Variants in DOCK4 observed in about 807,000 individuals in gnomAD.
DOCK4 encodes dedicator of cytokinesis 4.
DOCK4 carries 97 observed loss-of-function variants against 268.1 expected under a neutral mutation model. The ratio of observed to expected loss-of-function variants is 0.36; its 90% CI spans 0.31 to 0.43. The LOEUF (loss-of-function observed/expected upper bound fraction) is 0.43, where lower values mean the gene tolerates loss of function less well. Ranked by LOEUF, DOCK4 falls within the 20% of genes least tolerant of loss-of-function variation. The pLI is 1.00. For synonymous variants in DOCK4, 954 were observed against 887.2 expected, an observed-to-expected ratio of 1.08 and a Z score of -1.34; for missense variants, 2,145 against 2,455.7, an observed-to-expected ratio of 0.87 and a Z score of 2.67.
intron 36 of DOCK4, among the ~76,000 whole-genome samples, chr7:111,771,127 T>C (rs937868774): frequency 1.3e-5 from 2 of 152,234 alleles, no homozygotes; most frequent in African/African-American, 4.8e-5. Context: ...TGACTCTCAG[T>C]AGCTCAAACA....
At chr7:111,796,368 T>C (rs560991345) in intron 30 of DOCK4, among the ~76,000 whole-genome samples, 3 of 152,372 alleles carry the variant, frequency 2.0e-5, no homozygotes, top group African/African-American at 7.2e-5. Flanking sequence ...TAATTGTTTC[T>C]CACTAATACA....
chr7:112,084,211 A>C (rs1808855933), intron 1 of DOCK4, among the ~76,000 whole-genome samples: 1 of 152,202 alleles, frequency 6.6e-6, no homozygotes. Context: ...ATGAATGAAA[A>C]TTAGTTTAAG....
chr7:112,146,952 G>A (rs1815568504), intron 1 of DOCK4, among the ~76,000 whole-genome samples: 1 of 151,998 alleles, frequency 6.6e-6, no homozygotes, highest in African/African-American at 2.4e-5. Flanking sequence ...TTTAAGAGAA[G>A]ACACTTTCTT....
rs1318753698 is a variant in DOCK4 at position 111,872,329 on chromosome 7, G to C, written c.1866C>G (p.Thr622=). 6.4e-7 allele frequency: 1 copy of C among 1,559,482 alleles called. No homozygotes were observed. The highest frequency in any genetic ancestry group is 1.9e-5 in the Admixed American group (1 of 52,092). ...IVKFLQDTLD[T]LFGILDENSQ... is the part of the protein sequence containing the mutation. ...AATTTTCATCTAAAATTCCAAATAA[G>C]GTATCCAGTGTATCCTGCAGAAACT... The change falls in exon 19 of 53, where the codon ACC becomes ACG. Residue 622 remains threonine, a synonymous_variant. Coordinates refer to ENST00000428084, the MANE Select transcript of DOCK4 (RefSeq NM_001363540.2).
At chr7:111,747,503 A>G in intron 42 of DOCK4, 60 bp from the exon 43 acceptor site, 1 of 1,477,882 alleles carries the variant, frequency 6.8e-7, no homozygotes, top group South Asian at 1.3e-5. Context: ...AGAAAGACAA[A>G]GTAGTTTATC....
intron 41 of DOCK4, 113 bp downstream of exon 41, chr7:111,758,511 C>T (rs1797184266): frequency 8.4e-7 from 1 of 1,195,074 alleles, no homozygotes; most frequent in Non-Finnish European, 1.2e-6. Flanking sequence ...TTATATAGTC[C>T]CTTCTGTTTC....
At chr7:111,976,131 A>C (rs1586550050) in intron 8 of DOCK4, among the ~76,000 whole-genome samples, 1 of 100,220 alleles carries the variant, frequency 1.0e-5, no homozygotes, top group Non-Finnish European at 1.9e-5. Flanking sequence ...ACAGAGCAAG[A>C]CTCCATCTCA....
chr7:112,080,399 T>C (rs1370435416), intron 1 of DOCK4, among the ~76,000 whole-genome samples: 1 of 152,190 alleles, frequency 6.6e-6, no homozygotes, highest in African/African-American at 2.4e-5. Context: ...ACTCAAGTAA[T>C]TTAAAAAAGT....
chr7:111,814,814 G>C (rs1396035297), intron 27 of DOCK4, among the ~76,000 whole-genome samples: 1 of 152,150 alleles, frequency 6.6e-6, no homozygotes, highest in African/African-American at 2.4e-5. Context: ...GAGGCACAGG[G>C]CATTGGGCCT....
chr7:111,811,518 CAAAG>C (rs1801130308), intron 28 of DOCK4, among the ~76,000 whole-genome samples: 1 of 151,878 alleles, frequency 6.6e-6, no homozygotes, highest in Non-Finnish European at 1.5e-5. Flanking sequence ...AATGGGAAGA[CAAAG>C]AAATAAGAAA....
At chr7:112,093,248 C>T (rs1036152941) in intron 1 of DOCK4, among the ~76,000 whole-genome samples, 1 of 152,134 alleles carries the variant, frequency 6.6e-6, no homozygotes, top group Non-Finnish European at 1.5e-5. Context: ...CACATGTGCT[C>T]CTTCTCAATG....
At chr7:112,048,374 T>A (rs1179959056) in intron 1 of DOCK4, among the ~76,000 whole-genome samples, 1 of 125,988 alleles carries the variant, frequency 7.9e-6, no homozygotes, top group African/African-American at 3.2e-5. Context: ...TAAAACCCCA[T>A]CTCTACTAAA....
At position 111,740,851 on chromosome 7, in the gene DOCK4, T is replaced by C. The variant is rs77484743; in HGVS notation, c.5040+243A>G. On this transcript the variant is annotated intron_variant, in intron 47 of 52. Transcript: ENST00000428084. ...TGGGGCAGGTCTCAGAGCTGAACCT[T>C]GTGCAGCGTGCCTAGGCTTTTCCAT... Among the ~76,000 whole-genome samples the C allele has an allele frequency of 5.8e-3, 874 of 150,278 alleles. 24 individuals are homozygous for C. The highest frequency in any genetic ancestry group is 0.042 in the Admixed American group (624 of 14,952).
chr7:111,923,313 G>T (rs1490412601), intron 12 of DOCK4, among the ~76,000 whole-genome samples: 1 of 152,174 alleles, frequency 6.6e-6, no homozygotes, highest in Non-Finnish European at 1.5e-5. Flanking sequence ...CGGATACCAA[G>T]CAATGACTGT....
At chr7:111,832,513 C>T (rs74846282) in intron 26 of DOCK4, among the ~76,000 whole-genome samples, 5,634 of 152,210 alleles carry the variant, frequency 0.037, 311 homozygotes, top group African/African-American at 0.12. Flanking sequence ...TTAAATAATT[C>T]TCCTAGTCAG....
intron 49 of DOCK4, among the ~76,000 whole-genome samples, chr7:111,738,560 A>T (rs1795670265): frequency 6.6e-6 from 1 of 152,272 alleles, no homozygotes; most frequent in Admixed American, 6.5e-5. Context: ...TTTAAGAAGC[A>T]GCAATGAAAT....
At chr7:112,047,453 G>T (rs922274784) in intron 1 of DOCK4, among the ~76,000 whole-genome samples, 10 of 152,202 alleles carry the variant, frequency 6.6e-5, no homozygotes, top group Admixed American at 5.2e-4. Flanking sequence ...AAAGACATTG[G>T]AATAGTATTA....
intron 8 of DOCK4, among the ~76,000 whole-genome samples, chr7:111,951,635 C>T (rs1586475435): frequency 1.3e-5 from 2 of 148,392 alleles, no homozygotes; most frequent in African/African-American, 5.0e-5. Flanking sequence ...ATATTGGAAA[C>T]CCCATCGCTA....
chr7:111,766,621 A>T (rs1797775932), intron 38 of DOCK4, among the ~76,000 whole-genome samples: 1 of 152,248 alleles, frequency 6.6e-6, no homozygotes, highest in South Asian at 2.1e-4. Flanking sequence ...AAGAGAGGTG[A>T]CACCTACAGA....
Sources: gnomAD v4.1 joint callset for allele counts (sites outside exome capture counted in the v4.1 genomes callset) on GRCh38, gnomAD v4.1.1 for gene constraint, MANE v1.5 for transcripts, NCBI Gene and HGNC (gene_info 2026-07-23, HGNC 2026-07-21) for gene names.